The following TEX9 variants were observed in gnomAD, a reference collection of about 807,000 sequenced individuals.
TEX9 encodes testis-expressed protein 9.
TEX9 carries 74 observed loss-of-function variants against 59.6 expected under a neutral mutation model. The ratio of observed to expected loss-of-function variants is 1.24; its 90% CI spans 1.03 to 1.51. The LOEUF (loss-of-function observed/expected upper bound fraction) is 1.51, where lower values mean the gene tolerates loss of function less well. Ranked by LOEUF, TEX9 falls within the 40% of genes most tolerant of loss-of-function variation. The pLI is 0.00. For synonymous variants in TEX9, 186 were observed against 152.2 expected, an observed-to-expected ratio of 1.22 and a Z score of -1.64; for missense variants, 522 against 447.8, an observed-to-expected ratio of 1.17 and a Z score of -1.49.
chr15:56,379,551 A>G (rs976070505), intron 3 of TEX9, among the ~76,000 whole-genome samples: 7 of 152,182 alleles, frequency 4.6e-5, no homozygotes, highest in African/African-American at 1.2e-4. Flanking sequence ...GTAAATGTCT[A>G]TTGGGTCCAC....
intron 1 of TEX9, among the ~76,000 whole-genome samples, chr15:56,318,411 T>C (rs1168179055): frequency 2.6e-5 from 4 of 152,156 alleles, no homozygotes; most frequent in Admixed American, 2.6e-4. Flanking sequence ...AAGTGCATCA[T>C]ATTGTAGGCA....
upstream of TEX9, among the ~76,000 whole-genome samples, chr15:56,361,603 T>C (rs1444407625): frequency 6.6e-6 from 1 of 152,068 alleles, no homozygotes; most frequent in Non-Finnish European, 1.5e-5. Context: ...GTGTGCCACC[T>C]CCCCCTCCCT....
At chr15:56,306,185 A>T (rs2045477870) in intron 1 of TEX9, among the ~76,000 whole-genome samples, 1 of 143,554 alleles carries the variant, frequency 7.0e-6, no homozygotes, top group African/African-American at 2.6e-5. Flanking sequence ...TATGCAGAAC[A>T]GTATGGAGGT....
At chr15:56,345,127 C>G (rs2046446434) in intron 1 of TEX9, among the ~76,000 whole-genome samples, 1 of 149,656 alleles carries the variant, frequency 6.7e-6, no homozygotes, top group African/African-American at 2.5e-5. Context: ...TTCTTCCATG[C>G]ATTAGTGATA....
chr15:56,431,334 A>G, intron 12 of TEX9: 2 of 1,598,254 alleles, frequency 1.3e-6, no homozygotes, highest in Non-Finnish European at 1.7e-6. Context: ...TCACTATTAC[A>G]GGTCATGAAG....
At chr15:56,363,795 G>T (rs2046837338), upstream of TEX9, among the ~76,000 whole-genome samples, 1 of 150,744 alleles carries the variant, frequency 6.6e-6, no homozygotes, top group Admixed American at 6.6e-5. Context: ...TCTCCTAGTA[G>T]TTGGGACTAC....
intron 12 of TEX9, among the ~76,000 whole-genome samples, chr15:56,433,434 T>A (rs2050654160): frequency 6.6e-6 from 1 of 151,232 alleles, no homozygotes; most frequent in Non-Finnish European, 1.5e-5. Context: ...ATTAAAAAAA[T>A]AATTAAAAAG....
intron 3 of TEX9, among the ~76,000 whole-genome samples, chr15:56,381,947 C>T (rs1176159587): frequency 2.6e-5 from 4 of 152,188 alleles, no homozygotes; most frequent in Non-Finnish European, 5.9e-5. Context: ...TTCAGGGTAG[C>T]GAGTTCCCCC....
chr15:56,260,417 G>T (rs921261145), intron 1 of TEX9, among the ~76,000 whole-genome samples: 2 of 152,074 alleles, frequency 1.3e-5, no homozygotes, highest in South Asian at 4.1e-4. Context: ...CAAATTTGCT[G>T]AGAAGTTTTA....
chr15:56,339,406 A>AAAAAC (rs2046329784), intron 1 of TEX9, among the ~76,000 whole-genome samples: 1 of 147,318 alleles, frequency 6.8e-6, no homozygotes, highest in Non-Finnish European at 1.5e-5. Context: ...AAAAAAAAAA[A>AAAAAC]AAAAAAAACA....
chr15:56,251,313 G>A (rs551989933), intron 1 of TEX9, among the ~76,000 whole-genome samples: 8 of 152,074 alleles, frequency 5.3e-5, no homozygotes, highest in East Asian at 3.9e-4. Flanking sequence ...TCAGGTTGTC[G>A]GCCATATCCA....
the TEX9 span, among the ~76,000 whole-genome samples, chr15:56,458,945 CATGTT>C: frequency 3.3e-5 from 5 of 152,152 alleles, no homozygotes; most frequent in South Asian, 1.0e-3. Context: ...ATAAAGCTGC[CATGTT>C]ATATTTTTAT....
chr15:56,333,892 A>G (rs982583022), intron 1 of TEX9, among the ~76,000 whole-genome samples: 2 of 152,184 alleles, frequency 1.3e-5, no homozygotes, highest in Non-Finnish European at 2.9e-5. Flanking sequence ...TCTGAAAAAG[A>G]TATCAAGAAA....
At chr15:56,357,800 T>C (rs1412872166) in intron 1 of TEX9, among the ~76,000 whole-genome samples, 1 of 152,198 alleles carries the variant, frequency 6.6e-6, no homozygotes, top group Non-Finnish European at 1.5e-5. Context: ...TGCTTGCTCA[T>C]TGTTGTGATT....
At chr15:56,300,738 A>AGAGAGAGAGAGAGAGAGAGAGAGAGG in intron 1 of TEX9, among the ~76,000 whole-genome samples, 1 of 149,748 alleles carries the variant, frequency 6.7e-6, no homozygotes, top group African/African-American at 2.5e-5. Flanking sequence ...AGAGAGAGAG[A>AGAGAGAGAGAGAGAGAGAGAGAGAGG]GAGAGAGACT....
At chr15:56,392,647 T>C (rs1423027016) in intron 7 of TEX9, among the ~76,000 whole-genome samples, 1 of 151,930 alleles carries the variant, frequency 6.6e-6, no homozygotes, top group African/African-American at 2.4e-5. Flanking sequence ...ATAATAATTA[T>C]TGTGTTACTA....
At chr15:56,271,922 C>T (rs1476456888) in intron 1 of TEX9, among the ~76,000 whole-genome samples, 3 of 152,102 alleles carry the variant, frequency 2.0e-5, no homozygotes, top group Non-Finnish European at 2.9e-5. Context: ...GGGCAGATCA[C>T]GAGGTCAGGA....
At chr15:56,251,864 A>C (rs527892613) in intron 1 of TEX9, among the ~76,000 whole-genome samples, 1 of 152,238 alleles carries the variant, frequency 6.6e-6, no homozygotes, top group African/African-American at 2.4e-5. Context: ...GAACAGACAT[A>C]CAAGCGACGG....
At chr15:56,398,353 C>G (rs1466932041) in intron 9 of TEX9, 2 of 152,042 alleles carry the variant, frequency 1.3e-5, no homozygotes, top group Admixed American at 1.3e-4. Flanking sequence ...TACCTTCTTG[C>G]AGTGGCTACT....
Sources: gnomAD v4.1 joint callset for allele counts (sites outside exome capture counted in the v4.1 genomes callset) on GRCh38, gnomAD v4.1.1 for gene constraint, MANE v1.5 for transcripts, NCBI Gene and HGNC (gene_info 2026-07-23, HGNC 2026-07-21) for gene names.